Variants in LRFN5 observed in about 807,000 individuals in gnomAD.
LRFN5 encodes the protein leucine-rich repeat and fibronectin type-III domain-containing protein 5.
Under a neutral mutation model 45.6 loss-of-function variants are expected in LRFN5, and 24 were observed. The observed-to-expected ratio is 0.53, with a 90% CI of 0.38 to 0.74. The LOEUF (loss-of-function observed/expected upper bound fraction) is 0.74. Among genes scored for constraint, LRFN5 ranks in the 30% least tolerant of loss-of-function variants. The pLI is 0.00. For missense variants in LRFN5, 776 were observed against 861.5 expected, an observed-to-expected ratio of 0.90 and a Z score of 1.24; for synonymous variants, 340 against 313.8, an observed-to-expected ratio of 1.08 and a Z score of -0.88.
At chr14:41,826,310 T>C (rs559909396) in intron 2 of LRFN5, among the ~76,000 whole-genome samples, 1 of 152,200 alleles carries the variant, frequency 6.6e-6, no homozygotes, top group Admixed American at 6.5e-5. Context: ...TACCATACTT[T>C]CCTTACACAT....
intron 2 of LRFN5, among the ~76,000 whole-genome samples, chr14:41,845,078 C>G (rs926257143): frequency 1.3e-5 from 2 of 152,024 alleles, no homozygotes; most frequent in African/African-American, 4.8e-5. Context: ...TGAACGTGCA[C>G]AATTTTATCT....
intron 2 of LRFN5, among the ~76,000 whole-genome samples, chr14:41,825,983 C>A (rs546102466): frequency 6.6e-6 from 1 of 152,164 alleles, no homozygotes; most frequent in South Asian, 2.1e-4. Flanking sequence ...TCTCAGCACC[C>A]CATTTTCTTC....
At chr14:41,736,558 C>T (rs12437068) in intron 1 of LRFN5, among the ~76,000 whole-genome samples, 26 of 152,016 alleles carry the variant, frequency 1.7e-4, no homozygotes, top group African/African-American at 4.8e-4. Context: ...CTGTTCACTT[C>T]GGTGATAGTT....
rs202082699 is a variant in LRFN5 at position 41,822,758 on chromosome 14, ATTATTGTGT to A, written c.-21+55731_-21+55739del. On this transcript the variant is annotated intron_variant, in intron 2 of 5. Coordinates refer to ENST00000298119, the MANE Select transcript of LRFN5 (RefSeq NM_152447.5). ...CAGTGGGGTGTTGAAGTCCACCACTATTATTGTGTTGCTCTCCATATATTTTATTAGGTC... is the reference window on the plus strand; with the variant it reads ...CAGTGGGGTGTTGAAGTCCACCACTATGCTCTCCATATATTTTATTAGGTC... Among the ~76,000 whole-genome samples, 1,485 of 151,240 alleles carry A rather than the reference ATTATTGTGT, an allele frequency of 9.8e-3. 25 individuals are homozygous for A. Among genetic ancestry groups the A allele is most frequent in the African/African-American group, 0.034 (1,422 of 41,232 alleles).
At chr14:41,810,544 G>A (rs979952886) in intron 2 of LRFN5, among the ~76,000 whole-genome samples, 4 of 152,014 alleles carry the variant, frequency 2.6e-5, no homozygotes, top group African/African-American at 9.7e-5. Flanking sequence ...TAAAATAGGA[G>A]AATAGTTTTT....
In LRFN5 at chr14:41,898,475, C is replaced by T. The variant is rs544141358; in HGVS notation, c.2099-442C>T. Among the ~76,000 whole-genome samples, 11 of 152,042 alleles carry T rather than the reference C, an allele frequency of 7.2e-5. No individual in the cohort carries two copies. In the East Asian group the frequency reaches 2.1e-3, roughly 29 times the overall value. ...TATTTTAAGTGATTCTTTTGTACTC[C>T]ATATGGTGAACATAGTTAAACTATA... On this transcript the variant is annotated intron_variant, in intron 4 of 5. Transcript: ENST00000298119.
intron 2 of LRFN5, among the ~76,000 whole-genome samples, chr14:41,776,339 A>C (rs1437425535): frequency 6.6e-6 from 1 of 152,144 alleles, no homozygotes; most frequent in Non-Finnish European, 1.5e-5. Context: ...GGAAATGTCA[A>C]GTAAGAATCT....
At chr14:41,669,194 C>G (rs1881046540) in intron 1 of LRFN5, among the ~76,000 whole-genome samples, 1 of 151,506 alleles carries the variant, frequency 6.6e-6, no homozygotes, top group Non-Finnish European at 1.5e-5. Flanking sequence ...TGAAGCCTTA[C>G]TAATATAAGA....
chr14:41,757,141 G>A (rs2138858834), intron 1 of LRFN5, among the ~76,000 whole-genome samples: 1 of 152,318 alleles, frequency 6.6e-6, no homozygotes, highest in East Asian at 1.9e-4. Context: ...GGAGTACCCG[G>A]CCGTGTGAGG....
At chr14:41,684,962 C>CT (rs1226728729) in intron 1 of LRFN5, among the ~76,000 whole-genome samples, 1 of 152,090 alleles carries the variant, frequency 6.6e-6, no homozygotes, top group East Asian at 1.9e-4. Context: ...AGGAAAATAT[C>CT]TAAAACCTGA....
At chr14:41,790,032 A>C (rs757002555) in intron 2 of LRFN5, among the ~76,000 whole-genome samples, 1 of 151,834 alleles carries the variant, frequency 6.6e-6, no homozygotes, top group Non-Finnish European at 1.5e-5. Context: ...TATTCCTTGA[A>C]AGCTTTCTCA....
chr14:41,761,940 A>T (rs1315311120), intron 1 of LRFN5, among the ~76,000 whole-genome samples: 1 of 151,914 alleles, frequency 6.6e-6, no homozygotes, highest in Non-Finnish European at 1.5e-5. Flanking sequence ...ACTAATCAGA[A>T]ATTTTGTAAT....
intron 1 of LRFN5, among the ~76,000 whole-genome samples, chr14:41,651,188 A>G (rs1343055755): frequency 6.6e-6 from 1 of 152,150 alleles, no homozygotes; most frequent in Non-Finnish European, 1.5e-5. Flanking sequence ...TTGCTATCAC[A>G]GCACTCTCAT....
intron 1 of LRFN5, among the ~76,000 whole-genome samples, chr14:41,755,738 T>C (rs1885346574): frequency 6.6e-6 from 1 of 152,268 alleles, no homozygotes; most frequent in African/African-American, 2.4e-5. Flanking sequence ...GTCTGTGTCT[T>C]TTAATTGGAG....
At chr14:41,691,897 A>G (rs550430894) in intron 1 of LRFN5, among the ~76,000 whole-genome samples, 2 of 152,094 alleles carry the variant, frequency 1.3e-5, no homozygotes, top group Admixed American at 1.3e-4. Flanking sequence ...ATTAGTGTAT[A>G]TATCAGTATT....
intron 2 of LRFN5, among the ~76,000 whole-genome samples, chr14:41,846,638 T>C (rs1352377030): frequency 2.0e-5 from 3 of 152,174 alleles, no homozygotes; most frequent in Non-Finnish European, 2.9e-5. Flanking sequence ...ATGTTTATAT[T>C]TTCTGCACTT....
intron 2 of LRFN5, among the ~76,000 whole-genome samples, chr14:41,768,667 C>T (rs543162366): frequency 1.3e-5 from 2 of 152,070 alleles, no homozygotes; most frequent in South Asian, 4.2e-4. Flanking sequence ...ATGGCAACCC[C>T]ACAAGAAACT....
At chr14:41,783,282 A>T (rs1484836835) in intron 2 of LRFN5, among the ~76,000 whole-genome samples, 4 of 152,106 alleles carry the variant, frequency 2.6e-5, no homozygotes, top group African/African-American at 9.7e-5. Flanking sequence ...GCCTTCAGCA[A>T]ATCACCAAAA....
Position 41,856,675 on chromosome 14 carries a change from A to ATTATTATTTTTT in LRFN5, c.-20-29929_-20-29928insATTATTTTTTTT. ...TTCTTTCCTAATTATTATTATTATTATTTTTTTTTTTTTTTTTTTGAGACG... is the reference window on the plus strand; with the variant it reads ...TTCTTTCCTAATTATTATTATTATTATTATTATTTTTTTTTTTTTTTTTTTTTTTTTGAGACG... On this transcript the variant is annotated intron_variant, in intron 2 of 5. Transcript: ENST00000298119. Among the ~76,000 whole-genome samples, 23 of 18,332 alleles carry ATTATTATTTTTT rather than the reference A, an allele frequency of 1.3e-3. 3 individuals carry two copies. The South Asian group carries it at 0.015, about 12-fold the overall frequency. 12.0% of individuals were successfully genotyped at this position (18,332 alleles called of 152,430 possible).
Sources: allele counts gnomAD v4.1 joint callset (sites outside exome capture counted in the v4.1 genomes callset), GRCh38; gene constraint gnomAD v4.1.1; transcripts MANE v1.5; gene names NCBI Gene and HGNC (gene_info 2026-07-23, HGNC 2026-07-21).